Variants in RC3H1 observed in about 807,000 individuals in gnomAD.
The protein encoded by RC3H1 is roquin-1.
A neutral mutation model predicts 138.2 loss-of-function variants in RC3H1; 50 were observed. That is an observed-to-expected ratio of 0.36 (90% CI 0.29 to 0.46). The LOEUF is 0.46. RC3H1 is among the 20% of genes least tolerant of loss of function. The probability of loss-of-function intolerance (pLI) is 1.00; values close to 1 mark genes in which losing one functional copy is unlikely to be tolerated. For missense variants in RC3H1, 1,031 were observed against 1,388.1 expected (o/e 0.74, Z 4.09); for synonymous variants, 462 against 489.1 (o/e 0.94, Z 0.73).
At chr1:173,982,678 G>A (rs201995369) in intron 5 of RC3H1, 49 bp downstream of exon 5, 50 of 1,442,622 alleles carry the variant, frequency 3.5e-5, no homozygotes, top group South Asian at 1.5e-5. Flanking sequence ...TTAACTTTGG[G>A]GAAAGAACAA....
intron 17 of RC3H1, 85 bp from the exon 18 acceptor site, chr1:173,943,700 C>T (rs1571166575): frequency 7.6e-7 from 1 of 1,321,568 alleles, no homozygotes; most frequent in Non-Finnish European, 1.0e-6. Flanking sequence ...AGACCACAGC[C>T]TTGAGTAGCT....
At chr1:173,953,900 G>T (rs1185617560) in intron 13 of RC3H1, among the ~76,000 whole-genome samples, 1 of 152,060 alleles carries the variant, frequency 6.6e-6, no homozygotes, top group African/African-American at 2.4e-5. Context: ...TTAGCTGGGC[G>T]TGTTGGTGCA....
intron 11 of RC3H1, among the ~76,000 whole-genome samples, chr1:173,962,787 A>T (rs1659937221): frequency 6.6e-6 from 1 of 152,216 alleles, no homozygotes; most frequent in Non-Finnish European, 1.5e-5. Flanking sequence ...TAATTTACCT[A>T]AAATTGAAAA....
intron 2 of RC3H1, among the ~76,000 whole-genome samples, chr1:173,992,465 T>C (rs576912013): frequency 6.6e-6 from 1 of 152,122 alleles, no homozygotes; most frequent in Non-Finnish European, 1.5e-5. Flanking sequence ...TCTCTAGCGA[T>C]CTGCATAGCT....
rs1191752045 is a variant in RC3H1, at chr1:173,931,810, G to A, written c.*6911C>T. 2.6e-5 allele frequency: 4 copies of A among 151,874 alleles called. No individual in the cohort carries two copies. The highest frequency in any genetic ancestry group is 5.9e-5 in the Non-Finnish European group (4 of 67,978). The allele number at this position is 151,874 out of a possible 1,614,324, so 9.4% of individuals were successfully genotyped here. On this transcript the variant is annotated 3_prime_UTR_variant, in exon 20 of 20. Coordinates refer to ENST00000367696, the MANE Select transcript of RC3H1 (RefSeq NM_172071.4). ...TTGTCTTCACCATTCCAACCTATTT[G>A]TCTTCACTTCTCTTTTTAAAGTTGG...
At chr1:173,960,497 T>A (rs1186796799) in intron 13 of RC3H1, among the ~76,000 whole-genome samples, 1 of 152,226 alleles carries the variant, frequency 6.6e-6, no homozygotes, top group Non-Finnish European at 1.5e-5. Flanking sequence ...ATTTGATGAC[T>A]ATAGTACATC....
chr1:173,959,363 T>G (rs1018620893), intron 13 of RC3H1, among the ~76,000 whole-genome samples: 1 of 152,196 alleles, frequency 6.6e-6, no homozygotes, highest in African/African-American at 2.4e-5. Flanking sequence ...AAACATTGGT[T>G]ATCGAGGAAT....
At chr1:173,974,200 A>G (rs12067191) in intron 7 of RC3H1, among the ~76,000 whole-genome samples, 21,870 of 149,246 alleles carry the variant, frequency 0.15, 5,345 homozygotes, top group African/African-American at 0.51. Flanking sequence ...GAATCACTTC[A>G]ACCTGGGAGG....
intron 13 of RC3H1, among the ~76,000 whole-genome samples, chr1:173,954,728 G>A (rs577870282): frequency 3.9e-5 from 6 of 152,190 alleles, no homozygotes; most frequent in African/African-American, 1.2e-4. Context: ...GACGGGGCAT[G>A]GTGGGTGGAT....
At chr1:174,020,984 G>A (rs2103123319) in intron 1 of RC3H1, among the ~76,000 whole-genome samples, 1 of 152,304 alleles carries the variant, frequency 6.6e-6, no homozygotes, top group African/African-American at 2.4e-5. Context: ...AATCCAGCCT[G>A]GGTGACAGAG....
intron 1 of RC3H1, among the ~76,000 whole-genome samples, chr1:173,994,330 T>C (rs972373143): frequency 1.3e-5 from 2 of 151,476 alleles, no homozygotes; most frequent in African/African-American, 2.4e-5. Flanking sequence ...GAGGTGGAGG[T>C]TGCGGTGAGC....
rs971499298 is a variant in RC3H1, at chr1:173,984,556, C to T, written c.295G>A (p.Ala99Thr). The change falls in exon 3 of 20, where the codon GCC (alanine) becomes ACC (threonine). Residue 99 changes from alanine to threonine, a missense_variant. Ala to Thr is a moderately conservative substitution (Grantham distance 58). This residue lies in a region of RC3H1 where 80 missense variants were observed against 81.1 expected (regional missense o/e 0.99). Coordinates refer to ENST00000367696, the MANE Select transcript of RC3H1 (RefSeq NM_172071.4). ...GCTAATTCTTCTACACATTTCTTGG[C>T]TTCCTCATAATGCTTTGTGTCTTCA... is the stretch of plus-strand genomic sequence containing the variant. ...GVEDTKHYEE[A>T]KKCVEELALY... 37 of 1,613,918 alleles carry T rather than the reference C, an allele frequency of 2.3e-5. No individual in the cohort carries two copies. The highest frequency in any genetic ancestry group is 3.1e-5 in the Non-Finnish European group (37 of 1,179,946).
At chr1:174,018,756 C>T (rs1035403533) in intron 1 of RC3H1, among the ~76,000 whole-genome samples, 6 of 152,142 alleles carry the variant, frequency 3.9e-5, no homozygotes, top group African/African-American at 1.2e-4. Context: ...CAGACGGGGC[C>T]AAAGCTAAAC....
At chr1:173,982,200 C>T (rs1367673696) in intron 5 of RC3H1, among the ~76,000 whole-genome samples, 2 of 151,888 alleles carry the variant, frequency 1.3e-5, no homozygotes, top group African/African-American at 2.4e-5. Context: ...GCCAACATGG[C>T]GAAACCCCGT....
At chr1:173,998,089 C>T (rs1012301805) in intron 1 of RC3H1, among the ~76,000 whole-genome samples, 9 of 151,892 alleles carry the variant, frequency 5.9e-5, no homozygotes, top group African/African-American at 2.2e-4. Flanking sequence ...ATTAATATAC[C>T]AACATCCAGA....
At chr1:173,962,599 T>G (rs1018504361) in intron 11 of RC3H1, among the ~76,000 whole-genome samples, 1 of 152,220 alleles carries the variant, frequency 6.6e-6, no homozygotes, top group African/African-American at 2.4e-5. Flanking sequence ...TTGCCTCAAA[T>G]GACGTGATCT....
At chr1:174,001,395 A>G (rs770333173) in intron 1 of RC3H1, among the ~76,000 whole-genome samples, 2 of 152,196 alleles carry the variant, frequency 1.3e-5, no homozygotes, top group African/African-American at 2.4e-5. Flanking sequence ...GCCCTCATTA[A>G]TTATCAAAGA....
chr1:174,003,385 T>TCACACACACA lies in RC3H1; in HGVS notation c.-150-10260_-150-10251dup, dbSNP rs3220994. On this transcript the variant is annotated intron_variant, in intron 1 of 19. Transcript: ENST00000367696. ...CTGGGCAACAAGAGCAAGACTCCTA[T>TCACACACACA]CACACACACACACACACACACACAC... Among the ~76,000 whole-genome samples the TCACACACACA allele has an allele frequency of 5.4e-3, 778 of 143,310 alleles. 7 individuals carry two copies. The highest frequency in any genetic ancestry group is 0.028 in the East Asian group (133 of 4,762). The allele number at this position is 143,310 out of a possible 152,430, so 94.0% of individuals were successfully genotyped here.
intron 18 of RC3H1, among the ~76,000 whole-genome samples, chr1:173,942,879 C>A (rs1305714110): frequency 1.3e-5 from 2 of 151,878 alleles, no homozygotes; most frequent in Non-Finnish European, 2.9e-5. Context: ...TCATATCATG[C>A]AACCTGAGGA....
Sources: gnomAD v4.1 joint callset for allele counts (sites outside exome capture counted in the v4.1 genomes callset) on GRCh38, gnomAD v4.1.1 for gene constraint, gnomAD v4.1.1 regional missense constraint, MANE v1.5 for transcripts, NCBI Gene and HGNC (gene_info 2026-07-23, HGNC 2026-07-21) for gene names.